The following USP12 variants were observed in gnomAD, a reference collection of about 807,000 sequenced individuals.
USP12 encodes the protein ubiquitin carboxyl-terminal hydrolase 12.
USP12 carries 19 observed loss-of-function variants against 45.5 expected under a neutral mutation model. The observed-to-expected ratio is 0.42, with a 90% CI of 0.29 to 0.61. USP12 has a LOEUF of 0.61. USP12 is among the 20% of genes least tolerant of loss of function. The probability of loss-of-function intolerance (pLI) is 0.22; values close to 1 mark genes in which losing one functional copy is unlikely to be tolerated. For missense variants in USP12, 242 were observed against 447.7 expected, an observed-to-expected ratio of 0.54 and a Z score of 4.15; for synonymous variants, 149 against 148.8, an observed-to-expected ratio of 1.00 and a Z score of -0.01.
At chr13:27,128,470 T>G (rs1056264776) in intron 1 of USP12, among the ~76,000 whole-genome samples, 1 of 152,294 alleles carries the variant, frequency 6.6e-6, no homozygotes, top group Non-Finnish European at 1.5e-5. Context: ...AATACTCTCA[T>G]GGATAGCTAA....
chr13:27,104,309 G>A (rs1009160376), intron 3 of USP12, among the ~76,000 whole-genome samples: 1 of 152,158 alleles, frequency 6.6e-6, no homozygotes, highest in Admixed American at 6.5e-5. Flanking sequence ...GGGATTATAG[G>A]TGTGAGCCAC....
chr13:27,095,050 G>C (rs1461017538), intron 4 of USP12, among the ~76,000 whole-genome samples: 1 of 152,110 alleles, frequency 6.6e-6, no homozygotes. Flanking sequence ...TGCTACTTAT[G>C]AGGCTTAGAT....
At chr13:27,123,108 A>G (rs1876076415) in intron 1 of USP12, among the ~76,000 whole-genome samples, 1 of 147,878 alleles carries the variant, frequency 6.8e-6, no homozygotes, top group Non-Finnish European at 1.5e-5. Flanking sequence ...AAAAAAAAAT[A>G]TTTTACAGAG....
intron 2 of USP12, among the ~76,000 whole-genome samples, chr13:27,109,649 G>A (rs1164869105): frequency 1.3e-5 from 2 of 152,100 alleles, no homozygotes; most frequent in Admixed American, 1.3e-4. Context: ...TGGGCGCAGT[G>A]GCTCAAGCCT....
chr13:27,089,216 G>A (rs1212475705), intron 6 of USP12, among the ~76,000 whole-genome samples: 1 of 152,180 alleles, frequency 6.6e-6, no homozygotes, highest in Non-Finnish European at 1.5e-5. Flanking sequence ...AATAAGGTTT[G>A]CAGTAACAGT....
chr13:27,071,062 A>G lies in USP12; in HGVS notation c.1011+9T>C. 1 of 1,593,446 alleles carries G rather than the reference A, an allele frequency of 6.3e-7. No individual in the cohort carries two copies. Among genetic ancestry groups the G allele is most frequent in the South Asian group, 1.2e-5 (1 of 86,292 alleles). On this transcript the variant is annotated intron_variant, in intron 8 of 8. Coordinates refer to ENST00000282344, the MANE Select transcript of USP12 (RefSeq NM_182488.4). ...ACTTTCAAAAATAAGAAATTAAGAA[A>G]CTACTTACTTCTACAATGTCGTCAT...
At chr13:27,079,013 T>TC (rs1270607061) in intron 6 of USP12, among the ~76,000 whole-genome samples, 1 of 147,476 alleles carries the variant, frequency 6.8e-6, no homozygotes, top group Non-Finnish European at 1.5e-5. Flanking sequence ...AACTAGAAAA[T>TC]CCCCCCAGAT....
At chr13:27,092,181 G>C (rs1331215673) in intron 4 of USP12, among the ~76,000 whole-genome samples, 2 of 152,046 alleles carry the variant, frequency 1.3e-5, no homozygotes, top group African/African-American at 4.8e-5. Flanking sequence ...ATTGATATGA[G>C]GAAGAACTAC....
At chr13:27,131,055 T>C (rs1337700413) in intron 1 of USP12, among the ~76,000 whole-genome samples, 1 of 152,252 alleles carries the variant, frequency 6.6e-6, no homozygotes. Flanking sequence ...AGTTTATGTG[T>C]GGCATTTTCA....
In USP12 at chr13:27,081,009, A is replaced by ATTTT. The variant is rs372527345; in HGVS notation, c.735-5625_735-5622dup. Among the ~76,000 whole-genome samples the ATTTT allele has an allele frequency of 2.3e-4, 26 of 114,608 alleles. 2 individuals are homozygous for ATTTT. Among genetic ancestry groups the ATTTT allele is most frequent in the Non-Finnish European group, 2.3e-4 (13 of 57,390 alleles). 75.2% of individuals were successfully genotyped at this position (114,608 alleles called of 152,430 possible). On this transcript the variant is annotated intron_variant, in intron 6 of 8. Transcript: ENST00000282344. ...GCTGAAGGTCGGGGTGGCTGAGGCA[A>ATTTT]TTTTTTTTTTTTTTTTTTTTTTGAG...
Position 27,156,099 on chromosome 13 carries a change from GAA to G in USP12, c.48+15491_48+15492del, listed in dbSNP as rs1402915301. On this transcript the variant is annotated intron_variant, in intron 1 of 8. Transcript: ENST00000282344. Reference sequence around the variant, plus strand: ...AAAAGCTGCCAGCAGCTCCGTAACAGAAGAGTCATTCTGACAATGCCAGCCTC... The same window carrying G: ...AAAAGCTGCCAGCAGCTCCGTAACAGGAGTCATTCTGACAATGCCAGCCTC... 6.6e-5 allele frequency among the ~76,000 whole-genome samples: 10 copies of G among 151,948 alleles called. No homozygotes were observed. In the South Asian group the frequency reaches 1.7e-3, roughly 25 times the overall value.
chr13:27,113,213 A>G (rs1353473635), intron 2 of USP12, among the ~76,000 whole-genome samples: 1 of 151,992 alleles, frequency 6.6e-6, no homozygotes, highest in Non-Finnish European at 1.5e-5. Flanking sequence ...AGCCATGATC[A>G]CTCACTGCAC....
chr13:27,169,600 C>T (rs528717409), intron 1 of USP12, among the ~76,000 whole-genome samples: 2 of 152,154 alleles, frequency 1.3e-5, no homozygotes, highest in Non-Finnish European at 2.9e-5. Context: ...ACAATACACA[C>T]GCCCCACATG....
At position 27,068,463 on chromosome 13, in the gene USP12, G is replaced by A. The variant is rs1873092633; in HGVS notation, c.*820C>T. The A allele has an allele frequency of 6.6e-6, 1 of 152,430 alleles. No homozygotes were observed. Among genetic ancestry groups the A allele is most frequent in the African/African-American group, 2.4e-5 (1 of 41,426 alleles). 9.4% of individuals were successfully genotyped at this position (152,430 alleles called of 1,614,324 possible). A position where few individuals can be genotyped will look rare whatever the true frequency, so the allele number is the denominator to read the frequency against. ...TCTCAAGGTATCTTAACTGATTTCAGATAGAAATTAAAATTCACCTTAAAA... is the reference window on the plus strand; with the variant it reads ...TCTCAAGGTATCTTAACTGATTTCAAATAGAAATTAAAATTCACCTTAAAA... On this transcript the variant is annotated 3_prime_UTR_variant, in exon 9 of 9. Coordinates refer to ENST00000282344, the MANE Select transcript of USP12 (RefSeq NM_182488.4).
intron 1 of USP12, among the ~76,000 whole-genome samples, chr13:27,131,271 G>A (rs908596182): frequency 6.6e-6 from 1 of 152,182 alleles, no homozygotes; most frequent in Non-Finnish European, 1.5e-5. Flanking sequence ...CCTGGTGAGA[G>A]GGTGAGCAGT....
rs1873060251 is a variant in USP12 at position 27,067,687 on chromosome 13, G to A, written c.*1596C>T. ...GCAGCAGACTAAAAAATTCCTTTTT[G>A]TTGTTTTCCATAGTCAACAGTTTTA... is the stretch of plus-strand genomic sequence containing the variant. On this transcript the variant is annotated 3_prime_UTR_variant, in exon 9 of 9. Coordinates refer to ENST00000282344, the MANE Select transcript of USP12 (RefSeq NM_182488.4). The A allele has an allele frequency of 6.6e-6, 1 of 152,062 alleles. No homozygotes were observed. The highest frequency in any genetic ancestry group is 1.9e-4 in the East Asian group (1 of 5,192). 9.4% of individuals were successfully genotyped at this position (152,062 alleles called of 1,614,324 possible). A position where few individuals can be genotyped will look rare whatever the true frequency, so the allele number is the denominator to read the frequency against.
intron 1 of USP12, among the ~76,000 whole-genome samples, chr13:27,125,222 T>A (rs944193376): frequency 1.3e-5 from 2 of 152,214 alleles, no homozygotes; most frequent in East Asian, 1.9e-4. Flanking sequence ...TAAGTTGAAA[T>A]TTTTTAAATT....
chr13:27,077,032 T>C (rs533398632), intron 6 of USP12, among the ~76,000 whole-genome samples: 2 of 152,302 alleles, frequency 1.3e-5, no homozygotes, highest in African/African-American at 4.8e-5. Flanking sequence ...TAGAGTTCTT[T>C]TACATTGTAA....
Position 27,086,183 on chromosome 13 carries a change from AAAAAAAAAAAAAAAATAT to A in USP12, c.734+3682_734+3699del, listed in dbSNP as rs1315464164. Among the ~76,000 whole-genome samples the A allele has an allele frequency of 2.0e-3, 77 of 39,324 alleles. 3 individuals carry two copies. The highest frequency in any genetic ancestry group is 0.018 in the South Asian group (20 of 1,120). 25.8% of individuals were successfully genotyped at this position (39,324 alleles called of 152,430 possible). On this transcript the variant is annotated intron_variant, in intron 6 of 8. Coordinates refer to ENST00000282344, the MANE Select transcript of USP12 (RefSeq NM_182488.4). ...AGATCTTTTGTCTCTTTAAAAAAAA[AAAAAAAAAAAAAAAATAT>A]ATATATATATATATATATGCGCACA...
Sources: gnomAD v4.1 joint callset for allele counts (sites outside exome capture counted in the v4.1 genomes callset) on GRCh38, gnomAD v4.1.1 for gene constraint, MANE v1.5 for transcripts, NCBI Gene and HGNC (gene_info 2026-07-23, HGNC 2026-07-21) for gene names.